The following MTMR9 variants were observed in gnomAD, a reference collection of about 807,000 sequenced individuals.
The protein encoded by MTMR9 is myotubularin related protein 9, also known as myotubularin-related protein 9.
A neutral mutation model predicts 69.5 loss-of-function variants in MTMR9; 39 were observed. That is an observed-to-expected ratio of 0.56 (90% CI 0.43 to 0.73). The LOEUF is 0.73. MTMR9 is among the 30% of genes least tolerant of loss of function. The pLI is 0.00. For missense variants in MTMR9, 900 were observed against 671.2 expected, an observed-to-expected ratio of 1.34 and a Z score of -3.77; for synonymous variants, 354 against 240.8, an observed-to-expected ratio of 1.47 and a Z score of -4.35.
intron 4 of MTMR9, 104 bp from the exon 5 acceptor site, chr8:11,306,086 C>A: frequency 1.1e-6 from 1 of 907,112 alleles, no homozygotes; most frequent in Non-Finnish European, 1.7e-6. Context: ...TGCAGAGTGT[C>A]ACACAATTGT....
chr8:11,316,523 G>C, intron 7 of MTMR9, 150 bp from the exon 8 acceptor site: 1 of 467,518 alleles, frequency 2.1e-6, no homozygotes, highest in African/African-American at 2.0e-5. Context: ...TTTATACCAA[G>C]AAATCATTAA....
chr8:11,305,191 G>A (rs889196942), intron 4 of MTMR9, among the ~76,000 whole-genome samples, 177 bp downstream of exon 4: 3 of 152,140 alleles, frequency 2.0e-5, no homozygotes, highest in Non-Finnish European at 4.4e-5. Context: ...TCTGTGGTGA[G>A]GATGTGATGC....
At chr8:11,337,081 G>A in the MTMR9 span, among the ~76,000 whole-genome samples, 1 of 152,056 alleles carries the variant, frequency 6.6e-6, no homozygotes, top group Non-Finnish European at 1.5e-5. Context: ...TATCTACTGG[G>A]ACTTGTCAGA....
intron 1 of MTMR9, among the ~76,000 whole-genome samples, chr8:11,294,377 GT>G (rs1563267077): frequency 6.6e-6 from 1 of 151,628 alleles, no homozygotes. Context: ...TTTTTGTGGG[GT>G]TTTTTGTAAA....
downstream of MTMR9, among the ~76,000 whole-genome samples, chr8:11,329,950 G>A (rs1801133655): frequency 6.6e-6 from 1 of 151,036 alleles, no homozygotes; most frequent in African/African-American, 2.4e-5. Flanking sequence ...GAGGTGAGAA[G>A]CGTCTCTGCC....
chr8:11,303,404 C>T (rs1207051135), intron 3 of MTMR9, among the ~76,000 whole-genome samples: 3 of 151,584 alleles, frequency 2.0e-5, no homozygotes, highest in Non-Finnish European at 2.9e-5. Flanking sequence ...TAAAGGTAAA[C>T]ACTGAAAAAG....
intron 6 of MTMR9, 103 bp from the exon 7 acceptor site, chr8:11,314,820 C>G: frequency 9.1e-7 from 1 of 1,098,706 alleles, no homozygotes; most frequent in Non-Finnish European, 1.4e-6. Flanking sequence ...AAACTGAACT[C>G]AGTAGACTAA....
At chr8:11,333,086 T>C (rs1337989698), downstream of MTMR9, among the ~76,000 whole-genome samples, 1 of 152,146 alleles carries the variant, frequency 6.6e-6, no homozygotes, top group Non-Finnish European at 1.5e-5. Flanking sequence ...AGCAAAAAAG[T>C]GTTTTAAAAA....
chr8:11,288,269 A>G (rs1449475550), intron 1 of MTMR9, among the ~76,000 whole-genome samples: 2 of 138,420 alleles, frequency 1.4e-5, no homozygotes, highest in East Asian at 2.0e-4. Flanking sequence ...ATTATATATT[A>G]TAATATAGTA....
intron 1 of MTMR9, among the ~76,000 whole-genome samples, chr8:11,292,162 A>G (rs1056551844): frequency 1.3e-5 from 2 of 152,190 alleles, no homozygotes; most frequent in African/African-American, 2.4e-5. Context: ...GTATATATCA[A>G]TAGTTCATTC....
At chr8:11,333,216 A>T in the MTMR9 span, among the ~76,000 whole-genome samples, 20 of 152,238 alleles carry the variant, frequency 1.3e-4, no homozygotes, top group African/African-American at 3.9e-4. Flanking sequence ...CAGTATATGA[A>T]AACTATCAAA....
chr8:11,325,856 C>G lies in MTMR9; in HGVS notation c.*3068C>G, dbSNP rs868280212. 16 of 151,922 alleles carry G rather than the reference C, an allele frequency of 1.1e-4. No homozygotes were observed. The highest frequency in any genetic ancestry group is 2.0e-4 in the Admixed American group (3 of 15,246). 9.4% of individuals were successfully genotyped at this position (151,922 alleles called of 1,614,324 possible). A position where few individuals can be genotyped will look rare whatever the true frequency, so the allele number is the denominator to read the frequency against. On this transcript the variant is annotated 3_prime_UTR_variant, in exon 10 of 10. Transcript: ENST00000221086. ...AACAATCTATAAATGTATTTTATTT[C>G]CAAGAAAACTTAGGGTCTCAAAGCA...
At chr8:11,293,217 G>C (rs1037413859) in intron 1 of MTMR9, among the ~76,000 whole-genome samples, 1 of 152,072 alleles carries the variant, frequency 6.6e-6, no homozygotes, top group Admixed American at 6.6e-5. Flanking sequence ...TTGTGTCTTA[G>C]GTTTTAACAA....
At chr8:11,321,601 C>G (rs780685371) in intron 9 of MTMR9, 8 of 423,422 alleles carry the variant, frequency 1.9e-5, no homozygotes, top group South Asian at 1.3e-4. Flanking sequence ...CAACCTAGAG[C>G]TGGGAGAAGA....
At chr8:11,299,766 A>AT (rs750774960) in intron 2 of MTMR9, among the ~76,000 whole-genome samples, 12 of 152,150 alleles carry the variant, frequency 7.9e-5, no homozygotes, top group Admixed American at 5.2e-4. Context: ...TGGTATGCAC[A>AT]TTTTTTTGTT....
At chr8:11,296,944 G>C (rs144885408) in intron 2 of MTMR9, among the ~76,000 whole-genome samples, 1 of 151,932 alleles carries the variant, frequency 6.6e-6, no homozygotes, top group Admixed American at 6.6e-5. Context: ...ATTTTACTTG[G>C]TTAGTTTAAA....
downstream of MTMR9, among the ~76,000 whole-genome samples, chr8:11,332,791 G>A (rs1393642070): frequency 6.6e-6 from 1 of 152,114 alleles, no homozygotes; most frequent in African/African-American, 2.4e-5. Flanking sequence ...TAGTAGAGAT[G>A]AGGTTTCACT....
intron 1 of MTMR9, among the ~76,000 whole-genome samples, chr8:11,289,277 A>G (rs1799297178): frequency 6.6e-6 from 1 of 152,252 alleles, no homozygotes; most frequent in Non-Finnish European, 1.5e-5. Context: ...GGTGAATTGT[A>G]AATGAGGTGA....
chr8:11,294,131 T>A (rs948746283), intron 1 of MTMR9, among the ~76,000 whole-genome samples: 2 of 152,246 alleles, frequency 1.3e-5, no homozygotes, highest in Non-Finnish European at 2.9e-5. Flanking sequence ...ATTTGGGGAA[T>A]AATTGACAAT....
Sources: allele counts gnomAD v4.1 joint callset (sites outside exome capture counted in the v4.1 genomes callset), GRCh38; gene constraint gnomAD v4.1.1; transcripts MANE v1.5; gene names NCBI Gene and HGNC (gene_info 2026-07-23, HGNC 2026-07-21).